The following DMD variants were observed in gnomAD, a reference collection of about 807,000 sequenced individuals.
DMD encodes the protein mutant dystrophin.
Under a neutral mutation model 330.1 loss-of-function variants are expected in DMD, and 63 were observed. The observed-to-expected ratio is 0.19, with a 90% CI of 0.16 to 0.24. DMD has a LOEUF of 0.24. DMD is among the 10% of genes least tolerant of loss of function. The probability of loss-of-function intolerance (pLI) is 1.00; values close to 1 mark genes in which losing one functional copy is unlikely to be tolerated. For missense variants in DMD, 3,344 were observed against 2,684.1 expected (o/e 1.25, Z -5.43); for synonymous variants, 1,223 against 959.8 (o/e 1.27, Z -5.07).
chrX:32,399,929 C>G (rs985687358), intron 30 of DMD, among the ~76,000 whole-genome samples: 19 of 111,443 alleles, frequency 1.7e-4, no homozygotes, highest in Admixed American at 4.8e-4. Context: ...TTCCTCTTTT[C>G]CTGATTGAAC....
chrX:32,152,225 C>T (rs1474159502), intron 44 of DMD, among the ~76,000 whole-genome samples: 1 of 111,758 alleles, frequency 8.9e-6, no homozygotes, highest in Non-Finnish European at 1.9e-5. Context: ...CAAATATGTT[C>T]AATTTTAAAG....
chrX:33,233,254 T>A (rs902124353), intron 1 of DMD, among the ~76,000 whole-genome samples: 34 of 111,574 alleles, frequency 3.0e-4, no homozygotes, highest in African/African-American at 1.1e-3. Flanking sequence ...ATACGACATA[T>A]GAGACTACCA....
At chrX:31,900,897 T>C (rs2094413238) in intron 47 of DMD, among the ~76,000 whole-genome samples, 1 of 111,621 alleles carries the variant, frequency 9.0e-6, no homozygotes, top group African/African-American at 3.3e-5. Context: ...GCCATCAGAC[T>C]GAGTCTTCTA....
chrX:33,146,862 A>T (rs1266344703), intron 1 of DMD, among the ~76,000 whole-genome samples: 5 of 110,508 alleles, frequency 4.5e-5, no homozygotes, highest in African/African-American at 1.7e-4. Flanking sequence ...TTGCTCTGTC[A>T]CCCAGGCTGC....
chrX:31,405,699 A>AATAGATGTAAATCAATTTCC (rs1249041021), intron 60 of DMD, among the ~76,000 whole-genome samples: 4 of 111,834 alleles, frequency 3.6e-5, no homozygotes, highest in Non-Finnish European at 7.5e-5. Context: ...AATCAGCAAT[A>AATAGATGTAAATCAATTTCC]ATAGATGTAA....
At chrX:32,105,608 A>C (rs2146554475) in intron 44 of DMD, among the ~76,000 whole-genome samples, 1 of 112,018 alleles carries the variant, frequency 8.9e-6, no homozygotes, top group Non-Finnish European at 1.9e-5. Context: ...TGAGTTTAAT[A>C]TGCATTATTA....
intron 2 of DMD, among the ~76,000 whole-genome samples, chrX:32,999,786 A>C (rs1389470939): frequency 2.1e-5 from 2 of 96,868 alleles, no homozygotes; most frequent in Admixed American, 2.5e-4. Flanking sequence ...AAAAACAAAA[A>C]CAAAAACAAA....
At chrX:32,747,949 A>T (rs2070273431) in intron 7 of DMD, among the ~76,000 whole-genome samples, 1 of 112,172 alleles carries the variant, frequency 8.9e-6, no homozygotes. Flanking sequence ...ATAGTAAAAA[A>T]GCCAGGATAG....
chrX:33,170,575 T>C (rs2049287116), intron 1 of DMD, among the ~76,000 whole-genome samples: 1 of 111,523 alleles, frequency 9.0e-6, no homozygotes, highest in South Asian at 3.6e-4. Flanking sequence ...CCATACTGTA[T>C]TTTACTTAAC....
At chrX:31,746,165 A>T (rs1166586062) in intron 51 of DMD, among the ~76,000 whole-genome samples, 1 of 112,367 alleles carries the variant, frequency 8.9e-6, no homozygotes, top group East Asian at 2.8e-4. Context: ...ACTGAAACAA[A>T]ACCATGCTTT....
intron 44 of DMD, among the ~76,000 whole-genome samples, chrX:32,035,040 A>C (rs2095930772): frequency 8.9e-6 from 1 of 111,895 alleles, no homozygotes. Context: ...ACCCTGTGTT[A>C]GAACTGTGTA....
At chrX:31,564,142 G>C (rs1465024536) in intron 55 of DMD, among the ~76,000 whole-genome samples, 7 of 110,988 alleles carry the variant, frequency 6.3e-5, no homozygotes, top group Non-Finnish European at 3.8e-5. Context: ...TTCTCCTTCC[G>C]AGCCCTCAGA....
At chrX:32,591,822 G>GC (rs2054942277) in intron 13 of DMD, among the ~76,000 whole-genome samples, 1 of 112,948 alleles carries the variant, frequency 8.9e-6, no homozygotes, top group Non-Finnish European at 1.9e-5. Flanking sequence ...GGCCTGGGAA[G>GC]CCCCCCTGCC....
Position 32,308,080 on chromosome X carries a change from T to C in DMD, c.6117+2002A>G, listed in dbSNP as rs192096877. Among the ~76,000 whole-genome samples, 28 of 110,175 alleles carry C rather than the reference T, an allele frequency of 2.5e-4. No homozygotes were observed. In the East Asian group the frequency reaches 6.9e-3, roughly 27 times the overall value. On this transcript the variant is annotated intron_variant, in intron 42 of 78. Transcript: ENST00000357033. ...TTAAATGCAGATTTCCACATATGTA[T>C]ATATATATACGTATATATATATGTT...
At chrX:31,237,015 T>C (rs2047796694) in intron 63 of DMD, among the ~76,000 whole-genome samples, 1 of 111,732 alleles carries the variant, frequency 8.9e-6, no homozygotes, top group Non-Finnish European at 1.9e-5. Flanking sequence ...ACCCCCAATA[T>C]CCATGCCCTC....
chrX:32,400,724 C>A (rs1322671748), intron 30 of DMD, among the ~76,000 whole-genome samples: 1 of 109,007 alleles, frequency 9.2e-6, no homozygotes, highest in Non-Finnish European at 1.9e-5. Flanking sequence ...CACTTTTACA[C>A]TGTTGGTGGG....
chrX:33,034,366 GT>G (rs1438780608), intron 1 of DMD, among the ~76,000 whole-genome samples: 1 of 111,503 alleles, frequency 9.0e-6, no homozygotes, highest in Non-Finnish European at 1.9e-5. Context: ...TAATATGGTA[GT>G]TTTAGCTTTG....
chrX:31,772,327 T>G (rs1340999782), intron 51 of DMD, among the ~76,000 whole-genome samples: 1 of 111,840 alleles, frequency 8.9e-6, no homozygotes, highest in Non-Finnish European at 1.9e-5. Context: ...TTACTCAAGG[T>G]CACACAGCTT....
At chrX:32,727,777 T>A (rs1175352173) in intron 7 of DMD, among the ~76,000 whole-genome samples, 1 of 108,968 alleles carries the variant, frequency 9.2e-6, no homozygotes, top group Admixed American at 9.7e-5. Context: ...ATATACATAT[T>A]AGCCTTTAAA....
Sources: allele counts gnomAD v4.1 joint callset (sites outside exome capture counted in the v4.1 genomes callset), GRCh38; gene constraint gnomAD v4.1.1; transcripts MANE v1.5; gene names NCBI Gene and HGNC (gene_info 2026-07-23, HGNC 2026-07-21).